The following ARID1A variants were observed in gnomAD, a reference collection of about 807,000 sequenced individuals.
ARID1A encodes the protein AT-rich interactive domain-containing protein 1A.
A neutral mutation model predicts 212.6 loss-of-function variants in ARID1A; 20 were observed. That is an observed-to-expected ratio of 0.09 (90% CI 0.07 to 0.14). The LOEUF (loss-of-function observed/expected upper bound fraction) is 0.14, where lower values mean the gene tolerates loss of function less well. Among genes scored for constraint, ARID1A ranks in the 10% least tolerant of loss-of-function variants. ARID1A has a pLI of 1.00. For synonymous variants in ARID1A, 1,376 were observed against 1,222.1 expected, an observed-to-expected ratio of 1.13 and a Z score of -2.63; for missense variants, 2,587 against 3,059.0, an observed-to-expected ratio of 0.85 and a Z score of 3.64.
At chr1:26,751,854 C>G (rs2080887851) in intron 4 of ARID1A, among the ~76,000 whole-genome samples, 1 of 152,182 alleles carries the variant, frequency 6.6e-6, no homozygotes, top group African/African-American at 2.4e-5. Context: ...AGTCTTAACC[C>G]TTCTCTCCTG....
rs2080281626 is a variant in ARID1A, at chr1:26,697,405, G to C, written c.1002G>C (p.Ser334=). The C allele has an allele frequency of 7.5e-7, 1 of 1,338,730 alleles. No homozygotes were observed. Among genetic ancestry groups the C allele is most frequent in the African/African-American group, 1.5e-5 (1 of 65,084 alleles). The allele number at this position is 1,338,730 out of a possible 1,614,324, so 82.9% of individuals were successfully genotyped here. Residue 334 remains serine, a synonymous_variant, in exon 1 of 20, where the codon TCG becomes TCC. Transcript: ENST00000324856. ...GCAAGGGCCCGGCGGACATGGCCTC[G>C]CAGTGTTGGGGGGCTGCGGCGGCGG... is the stretch of plus-strand genomic sequence containing the variant. ...GAGKGPADMA[S]QCWGAAAAAA... is the part of the protein sequence containing the mutation.
rs1001937313 is a variant in ARID1A at position 26,774,949 on chromosome 1, C to G, written c.4722C>G (p.Pro1574=). ...MTRPPPSNYQ[P]PPSMQNHIPQ... ...GGCCCCCTCCATCTAACTACCAGCC[C>G]CCACCAAGCATGCAGAATCACATTC... Residue 1574 remains proline (P), a synonymous_variant, in exon 18 of 20, where the codon CCC becomes CCG. Transcript: ENST00000324856. The surrounding 1 kb of genome is among the most constrained non-coding windows in gnomAD (Gnocchi z 5.6). The G allele has an allele frequency of 2.1e-6, 3 of 1,445,842 alleles. No individual in the cohort carries two copies. The highest frequency in any genetic ancestry group is 2.9e-5 in the African/African-American group (2 of 67,840). 89.6% of individuals were successfully genotyped at this position (1,445,842 alleles called of 1,614,324 possible).
At position 26,767,665 on chromosome 1, in the gene ARID1A, A is replaced by G. The variant is rs34502618; in HGVS notation, c.2989-125A>G. The G allele has an allele frequency of 0.15, 141,785 of 967,190 alleles. 11,524 individuals are homozygous for G. The highest frequency in any genetic ancestry group is 0.17 in the Non-Finnish European group (111,037 of 669,584). 59.9% of individuals were successfully genotyped at this position (967,190 alleles called of 1,614,324 possible). On this transcript the variant is annotated intron_variant, in intron 10 of 19. Transcript: ENST00000324856. ...GGCCCTTCAACCTTATGAAGGTAGG[A>G]CAGGTGTTAGTAACCACCCCAGAGT... is the stretch of plus-strand genomic sequence containing the variant.
At chr1:26,769,639 T>G (rs1478747541) in intron 11 of ARID1A, 1 of 152,278 alleles carries the variant, frequency 6.6e-6, no homozygotes, top group Admixed American at 6.5e-5. Context: ...TTTAAACTCT[T>G]CTTTCTAGTA....
At chr1:26,743,551 TTTG>T (rs1178585727) in intron 4 of ARID1A, among the ~76,000 whole-genome samples, 12 of 151,896 alleles carry the variant, frequency 7.9e-5, no homozygotes, top group South Asian at 2.1e-4. Context: ...AATTAGAACA[TTTG>T]GCTGGGCACG....
At chr1:26,707,033 C>CTT (rs763118260) in intron 1 of ARID1A, among the ~76,000 whole-genome samples, 5 of 140,540 alleles carry the variant, frequency 3.6e-5, no homozygotes, top group Admixed American at 7.2e-5. Flanking sequence ...AGGATCCTGA[C>CTT]TTTTTTTTTT....
chr1:26,743,564 G>C (rs1051223380), intron 4 of ARID1A, among the ~76,000 whole-genome samples: 1 of 151,840 alleles, frequency 6.6e-6, no homozygotes, highest in African/African-American at 2.4e-5. Flanking sequence ...GGCTGGGCAC[G>C]GTGGCTCACA....
chr1:26,728,330 C>T (rs1380223982), intron 1 of ARID1A, among the ~76,000 whole-genome samples: 1 of 152,192 alleles, frequency 6.6e-6, no homozygotes, highest in African/African-American at 2.4e-5. Context: ...AGCTCTACTT[C>T]CTCTACTATA....
intron 4 of ARID1A, among the ~76,000 whole-genome samples, chr1:26,752,027 A>G (rs147539678): frequency 3.4e-4 from 52 of 152,320 alleles, no homozygotes; most frequent in Non-Finnish European, 6.3e-4. Flanking sequence ...TGACGGGGGC[A>G]AGTAGGAAAC....
intron 4 of ARID1A, among the ~76,000 whole-genome samples, chr1:26,744,657 A>G (rs940337645): frequency 2.6e-5 from 4 of 152,318 alleles, no homozygotes; most frequent in African/African-American, 9.6e-5. Flanking sequence ...CTACTACTCA[A>G]GAAGACACTT....
intron 1 of ARID1A, among the ~76,000 whole-genome samples, chr1:26,704,787 A>C (rs1325783292): frequency 2.0e-5 from 3 of 151,076 alleles, no homozygotes; most frequent in Non-Finnish European, 4.4e-5. Flanking sequence ...TGAGCCCAGG[A>C]GGTTGAGGCT....
At chr1:26,762,625 A>T (rs2081002793) in intron 7 of ARID1A, among the ~76,000 whole-genome samples, 2 of 152,208 alleles carry the variant, frequency 1.3e-5, no homozygotes, top group Non-Finnish European at 2.9e-5. Flanking sequence ...TTATTTTTTT[A>T]TTAATTATTT....
At chr1:26,719,798 G>A (rs984083780) in intron 1 of ARID1A, among the ~76,000 whole-genome samples, 4 of 151,596 alleles carry the variant, frequency 2.6e-5, no homozygotes, top group African/African-American at 4.8e-5. Context: ...AAAATTAGCC[G>A]GGCATGGTGA....
intron 19 of ARID1A, among the ~76,000 whole-genome samples, chr1:26,776,633 TGGA>T (rs1427656698): frequency 6.6e-6 from 1 of 152,168 alleles, no homozygotes; most frequent in Non-Finnish European, 1.5e-5. Context: ...TGCACACTAG[TGGA>T]GGTGCTGGAA....
At chr1:26,738,652 G>A (rs1179061844) in intron 4 of ARID1A, among the ~76,000 whole-genome samples, 1 of 152,034 alleles carries the variant, frequency 6.6e-6, no homozygotes, top group African/African-American at 2.4e-5. Flanking sequence ...TCCGCCTCCC[G>A]GGTTCCAGCG....
chr1:26,699,494 T>G (rs539861091), intron 1 of ARID1A, among the ~76,000 whole-genome samples: 1 of 152,368 alleles, frequency 6.6e-6, no homozygotes, highest in African/African-American at 2.4e-5. Flanking sequence ...ACTACTCTTT[T>G]GAGCTGGGGA....
chr1:26,724,374 C>A (rs542984782), intron 1 of ARID1A, among the ~76,000 whole-genome samples: 1 of 152,258 alleles, frequency 6.6e-6, no homozygotes, highest in South Asian at 2.1e-4. Flanking sequence ...CTGGTCACTT[C>A]TTTCTATTTC....
intron 19 of ARID1A, among the ~76,000 whole-genome samples, chr1:26,776,997 A>G (rs1282530230): frequency 1.3e-5 from 2 of 152,226 alleles, no homozygotes; most frequent in Admixed American, 6.5e-5. Context: ...GGTATTTGAC[A>G]TCTCCCATTT....
rs1434877074 is a variant in ARID1A, at chr1:26,775,186, G to A, written c.4959G>A (p.Leu1653=). 6.2e-7 allele frequency: 1 copy of A among 1,602,086 alleles called. No homozygotes were observed. The highest frequency in any genetic ancestry group is 8.5e-7 in the Non-Finnish European group (1 of 1,175,640). ...CTGTTGAAGCCACACAGCCTGTGTT[G>A]AAGCAGAGGAGGCGGCTCACAATGA... is the stretch of plus-strand genomic sequence containing the variant. ...PGSVEATQPV[L]KQRRRLTMKD... Residue 1653 remains leucine (L), a synonymous_variant, in exon 18 of 20, where the codon TTG becomes TTA. Coordinates refer to ENST00000324856, the MANE Select transcript of ARID1A (RefSeq NM_006015.6).
Sources: allele counts gnomAD v4.1 joint callset (sites outside exome capture counted in the v4.1 genomes callset), GRCh38; gene constraint gnomAD v4.1.1; non-coding constraint Gnocchi (gnomAD v3.1); transcripts MANE v1.5; gene names NCBI Gene and HGNC (gene_info 2026-07-23, HGNC 2026-07-21).